Variants in EML6 observed in about 807,000 individuals in gnomAD.
The protein encoded by EML6 is echinoderm microtubule-associated protein-like 6.
Under a neutral mutation model 240.1 loss-of-function variants are expected in EML6, and 154 were observed. That is an observed-to-expected ratio of 0.64 (90% CI 0.56 to 0.73). The LOEUF is 0.73. EML6 is among the 30% of genes least tolerant of loss of function. The pLI, the probability that EML6 is intolerant of heterozygous loss-of-function variation, is 0.00. For missense variants in EML6, 2,964 were observed against 2,474.6 expected (o/e 1.20, Z -4.20); for synonymous variants, 1,148 against 899.0 (o/e 1.28, Z -4.95).
intron 7 of EML6, among the ~76,000 whole-genome samples, chr2:54,839,957 A>C (rs2103642440): frequency 6.6e-6 from 1 of 152,366 alleles, no homozygotes; most frequent in Non-Finnish European, 1.5e-5. Flanking sequence ...GGTTATTATA[A>C]TCTTTTTTCC....
Position 54,735,356 on chromosome 2 carries a change from A to G in EML6, c.197+10098A>G, listed in dbSNP as rs150498290. 6.2e-3 allele frequency among the ~76,000 whole-genome samples: 938 copies of G among 152,330 alleles called. 9 individuals are homozygous for G. The highest frequency in any genetic ancestry group is 0.031 in the South Asian group (149 of 4,830). Reference sequence around the variant, plus strand: ...AAGTGCTTTGGATATTATTCTTTATATTTCAAATTATTTGGAAGGAGCAAG... The same window carrying G: ...AAGTGCTTTGGATATTATTCTTTATGTTTCAAATTATTTGGAAGGAGCAAG... On this transcript the variant is annotated intron_variant, in intron 2 of 41. Coordinates refer to ENST00000356458, the MANE Select transcript of EML6 (RefSeq NM_001039753.4).
rs1157217449 is a variant in EML6 at position 54,767,538 on chromosome 2, G to A, written c.197+42280G>A. 2.6e-5 allele frequency among the ~76,000 whole-genome samples: 4 copies of A among 151,638 alleles called. No individual in the cohort carries two copies. The South Asian group carries it at 6.3e-4, about 24-fold the overall frequency. ...TATGTCTATTGCAATTTAGTTCTGT[G>A]TATCACATATTTACTGAGTAGCCTG... On this transcript the variant is annotated intron_variant, in intron 2 of 41. Transcript: ENST00000356458.
At chr2:54,849,339 G>A (rs1435904307) in intron 9 of EML6, among the ~76,000 whole-genome samples, 1 of 152,154 alleles carries the variant, frequency 6.6e-6, no homozygotes, top group African/African-American at 2.4e-5. Flanking sequence ...TTACTCCACT[G>A]ATCTATCAAA....
At chr2:54,958,348 C>G (rs1307320937) in intron 33 of EML6, among the ~76,000 whole-genome samples, 1 of 152,046 alleles carries the variant, frequency 6.6e-6, no homozygotes, top group African/African-American at 2.4e-5. Context: ...CCTGCCACCA[C>G]GCCTGGCTAA....
chr2:54,775,885 T>C lies in EML6; in HGVS notation c.198-37347T>C, dbSNP rs555335433. Among the ~76,000 whole-genome samples the C allele has an allele frequency of 1.3e-5, 2 of 152,336 alleles. 1 individual carries two copies. The highest frequency in any genetic ancestry group is 4.1e-4 in the South Asian group (2 of 4,832). The stretch of plus-strand genomic sequence containing the variant: ...AATATATTATTGTTGTAAATACCCA[T>C]AGGGTTTCTAATATTGAGCCATCCT... On this transcript the variant is annotated intron_variant, in intron 2 of 41. Transcript: ENST00000356458.
At chr2:54,830,616 G>T (rs181301302) in intron 7 of EML6, among the ~76,000 whole-genome samples, 1 of 152,126 alleles carries the variant, frequency 6.6e-6, no homozygotes, top group South Asian at 2.1e-4. Context: ...GGCAGTGCGC[G>T]GTGCTCTCTG....
At chr2:54,893,835 T>C (rs1487814946) in intron 19 of EML6, among the ~76,000 whole-genome samples, 1 of 152,158 alleles carries the variant, frequency 6.6e-6, no homozygotes, top group East Asian at 1.9e-4. Flanking sequence ...CTGGCAAAGG[T>C]GTTGTTTTGT....
At chr2:54,834,379 A>G (rs1003360166) in intron 7 of EML6, among the ~76,000 whole-genome samples, 2 of 152,244 alleles carry the variant, frequency 1.3e-5, no homozygotes, top group African/African-American at 2.4e-5. Context: ...CTTAAAGTCC[A>G]TCAACCAAAA....
intron 24 of EML6, among the ~76,000 whole-genome samples, chr2:54,905,106 C>T (rs1673251719): frequency 6.6e-6 from 1 of 152,118 alleles, no homozygotes; most frequent in Admixed American, 6.6e-5. Flanking sequence ...CAGTGCTGGC[C>T]AGACAAAGTG....
chr2:54,812,919 A>G (rs1456762641), intron 2 of EML6, among the ~76,000 whole-genome samples: 1 of 152,230 alleles, frequency 6.6e-6, no homozygotes, highest in Admixed American at 6.5e-5. Flanking sequence ...TCAATAATTA[A>G]ATTTCACAAC....
At chr2:54,964,289 AAG>A in intron 37 of EML6, 131 bp downstream of exon 37, 1 of 879,744 alleles carries the variant, frequency 1.1e-6, no homozygotes, top group Non-Finnish European at 1.7e-6. Context: ...CCACCTATGA[AAG>A]AATACCTTCT....
chr2:54,935,464 T>A (rs1675087100), intron 28 of EML6, among the ~76,000 whole-genome samples: 1 of 152,252 alleles, frequency 6.6e-6, no homozygotes, highest in Non-Finnish European at 1.5e-5. Flanking sequence ...CCTAGTATTA[T>A]ATCTGCATAA....
chr2:54,887,788 C>A (rs925791169), intron 17 of EML6, among the ~76,000 whole-genome samples: 14 of 152,078 alleles, frequency 9.2e-5, no homozygotes, highest in African/African-American at 2.9e-4. Context: ...AGATTGACAG[C>A]AAAATTGAGC....
chr2:54,857,157 G>A (rs368262907), intron 11 of EML6, among the ~76,000 whole-genome samples: 12 of 152,168 alleles, frequency 7.9e-5, no homozygotes, highest in African/African-American at 2.2e-4. Context: ...GGAATGTCTC[G>A]GTCTGTTTTC....
chr2:54,804,399 T>G (rs1014457381), intron 2 of EML6, among the ~76,000 whole-genome samples: 4 of 152,236 alleles, frequency 2.6e-5, no homozygotes, highest in Admixed American at 6.5e-5. Context: ...AACTTCTCAT[T>G]AGCAAATTGT....
intron 11 of EML6, among the ~76,000 whole-genome samples, chr2:54,855,231 C>T (rs577477123): frequency 1.3e-5 from 2 of 152,042 alleles, no homozygotes; most frequent in Admixed American, 6.6e-5. Flanking sequence ...ATTTGCTTGG[C>T]GTCTGGGCGA....
intron 5 of EML6, among the ~76,000 whole-genome samples, chr2:54,822,013 C>T (rs1364793009): frequency 6.6e-6 from 1 of 151,970 alleles, no homozygotes; most frequent in African/African-American, 2.4e-5. Flanking sequence ...AAGAGGGAAA[C>T]CGCAAACTAG....
chr2:54,886,469 CTCTT>C (rs1292434243), intron 17 of EML6, among the ~76,000 whole-genome samples: 5 of 152,262 alleles, frequency 3.3e-5, no homozygotes, highest in African/African-American at 7.2e-5. Context: ...CGCGTCTGGC[CTCTT>C]TCTTTCTTCT....
At chr2:54,783,312 T>C (rs1668936394) in intron 2 of EML6, among the ~76,000 whole-genome samples, 1 of 152,234 alleles carries the variant, frequency 6.6e-6, no homozygotes, top group African/African-American at 2.4e-5. Context: ...AAACACTCTG[T>C]TATATTGCAA....
Sources: allele counts gnomAD v4.1 joint callset (sites outside exome capture counted in the v4.1 genomes callset), GRCh38; gene constraint gnomAD v4.1.1; transcripts MANE v1.5; gene names NCBI Gene and HGNC (gene_info 2026-07-23, HGNC 2026-07-21).